Variants in MICAL2 observed in about 807,000 individuals in gnomAD.
The protein encoded by MICAL2 is microtubule associated monooxygenase, calponin and LIM domain containing 2.
Under a neutral mutation model 127.3 loss-of-function variants are expected in MICAL2, and 77 were observed. The observed-to-expected ratio is 0.60, with a 90% CI of 0.50 to 0.73. The LOEUF is 0.73. Among genes scored for constraint, MICAL2 ranks in the 30% least tolerant of loss-of-function variants. The pLI, the probability that MICAL2 is intolerant of heterozygous loss-of-function variation, is 0.00. For missense variants in MICAL2, 1,351 were observed against 1,434.4 expected (o/e 0.94, Z 0.94); for synonymous variants, 570 against 551.1 (o/e 1.03, Z -0.48).
chr11:12,134,383 C>A (rs1263704166), intron 1 of MICAL2, among the ~76,000 whole-genome samples: 1 of 152,180 alleles, frequency 6.6e-6, no homozygotes, highest in African/African-American at 2.4e-5. Context: ...TCATAATGGG[C>A]ATGGCTCCGG....
At chr11:12,210,343 A>G (rs1240837982) in intron 6 of MICAL2, among the ~76,000 whole-genome samples, 1 of 152,202 alleles carries the variant, frequency 6.6e-6, no homozygotes, top group Non-Finnish European at 1.5e-5. Flanking sequence ...GGTTATAAAC[A>G]ACATGGCCCC....
chr11:12,198,710 T>A (rs952119834), intron 3 of MICAL2, among the ~76,000 whole-genome samples: 1 of 152,176 alleles, frequency 6.6e-6, no homozygotes, highest in Non-Finnish European at 1.5e-5. Flanking sequence ...GACAGCACCA[T>A]GCATGACCTC....
chr11:12,130,205 G>C (rs757290651), intron 1 of MICAL2, among the ~76,000 whole-genome samples: 3 of 152,178 alleles, frequency 2.0e-5, no homozygotes, highest in Non-Finnish European at 4.4e-5. Context: ...AGACAATGGG[G>C]GAGAGCATTG....
At chr11:12,156,553 C>T (rs1565056989) in intron 2 of MICAL2, among the ~76,000 whole-genome samples, 1 of 152,148 alleles carries the variant, frequency 6.6e-6, no homozygotes, top group African/African-American at 2.4e-5. Flanking sequence ...AAGGAGATTA[C>T]CAAGAAGACA....
intron 1 of MICAL2, among the ~76,000 whole-genome samples, chr11:12,117,284 G>C (rs146837707): frequency 1.2e-4 from 18 of 152,262 alleles, no homozygotes; most frequent in African/African-American, 4.3e-4. Context: ...CCTGGCCTCT[G>C]AGCCACTGCA....
intron 1 of MICAL2, among the ~76,000 whole-genome samples, chr11:12,279,322 G>C (rs1863749206): frequency 6.6e-6 from 1 of 152,174 alleles, no homozygotes; most frequent in Non-Finnish European, 1.5e-5. Context: ...TGAACGAGTA[G>C]ATGTGGGGAG....
chr11:12,159,643 C>A (rs1048218316), intron 2 of MICAL2, among the ~76,000 whole-genome samples: 1 of 152,204 alleles, frequency 6.6e-6, no homozygotes, highest in Non-Finnish European at 1.5e-5. Context: ...GTGTAGCAGG[C>A]AAGTTCAAAT....
At chr11:12,340,198 A>T (rs1027074098) in intron 32 of MICAL2, among the ~76,000 whole-genome samples, 6 of 152,236 alleles carry the variant, frequency 3.9e-5, no homozygotes, top group Admixed American at 3.9e-4. Flanking sequence ...CACTGTTACA[A>T]ATCAGTAAGA....
chr11:12,249,093 A>G (rs1181190159), intron 21 of MICAL2, 91 bp from the exon 22 acceptor site: 1 of 1,554,990 alleles, frequency 6.4e-7, no homozygotes, highest in African/African-American at 1.4e-5. Context: ...TGCCTGAAGT[A>G]TCCTGTAAAG....
chr11:12,244,331 A>G (rs907322358), intron 21 of MICAL2, among the ~76,000 whole-genome samples: 10 of 152,246 alleles, frequency 6.6e-5, no homozygotes, highest in Non-Finnish European at 1.3e-4. Context: ...GGGCTCATTC[A>G]TTCAGCAAGC....
intron 26 of MICAL2, chr11:12,262,247 A>C (rs1863226337): frequency 1.4e-6 from 2 of 1,401,390 alleles, no homozygotes; most frequent in Non-Finnish European, 1.9e-6. Flanking sequence ...ATCAGGGAGC[A>C]AGATGCAAAC....
At chr11:12,233,047 C>G (rs959395256) in intron 15 of MICAL2, among the ~76,000 whole-genome samples, 1 of 152,052 alleles carries the variant, frequency 6.6e-6, no homozygotes, top group Non-Finnish European at 1.5e-5. Context: ...GTTACCAGAT[C>G]AAAAAAACAG....
rs553350524 is a variant in MICAL2 at position 12,341,596 on chromosome 11, A to T, written c.5516-8242A>T. Among the ~76,000 whole-genome samples the T allele has an allele frequency of 2.2e-3, 340 of 152,248 alleles. 1 individual carries two copies. Among genetic ancestry groups the T allele is most frequent in the African/African-American group, 8.0e-3 (334 of 41,560 alleles). The stretch of plus-strand genomic sequence containing the variant: ...AATCCCAGCACTTTGGGAGGCCAAG[A>T]CAGGCAGATTACCTAAGGTCAGGAG... On this transcript the variant is annotated intron_variant, in intron 32 of 34. Transcript: ENST00000646065.
chr11:12,311,369 T>TC (rs755358262), intron 29 of MICAL2, among the ~76,000 whole-genome samples: 7 of 152,044 alleles, frequency 4.6e-5, no homozygotes, highest in Non-Finnish European at 1.0e-4. Flanking sequence ...AATTTTTCTT[T>TC]CTTTTTTTTT....
intron 3 of MICAL2, among the ~76,000 whole-genome samples, chr11:12,171,620 TCTC>T (rs1856261271): frequency 6.6e-6 from 1 of 152,054 alleles, no homozygotes; most frequent in South Asian, 2.1e-4. Flanking sequence ...CTCAGGTTGT[TCTC>T]CTGCGCTGAA....
At chr11:12,288,492 G>C (rs761190069), downstream of MICAL2, among the ~76,000 whole-genome samples, 1 of 152,196 alleles carries the variant, frequency 6.6e-6, no homozygotes, top group Non-Finnish European at 1.5e-5. Context: ...CAAGAGGACT[G>C]CTGAGCAGCC....
chr11:12,121,139 C>T (rs539729180), intron 1 of MICAL2, among the ~76,000 whole-genome samples: 1 of 152,298 alleles, frequency 6.6e-6, no homozygotes, highest in East Asian at 1.9e-4. Context: ...GCTTGTACAC[C>T]CAAGTGTGGC....
intron 2 of MICAL2, among the ~76,000 whole-genome samples, chr11:12,148,122 C>T (rs1853148740): frequency 6.6e-6 from 1 of 152,162 alleles, no homozygotes. Flanking sequence ...AACTCTGCAT[C>T]CACATGTCTT....
At chr11:12,304,540 C>A (rs1864085507) in intron 29 of MICAL2, among the ~76,000 whole-genome samples, 1 of 152,072 alleles carries the variant, frequency 6.6e-6, no homozygotes, top group South Asian at 2.1e-4. Flanking sequence ...GAGGCTGAGG[C>A]AAGAGAATTG....
Sources: allele counts gnomAD v4.1 joint callset (sites outside exome capture counted in the v4.1 genomes callset), GRCh38; gene constraint gnomAD v4.1.1; transcripts MANE v1.5; gene names NCBI Gene and HGNC (gene_info 2026-07-23, HGNC 2026-07-21).